METTL15: variants seen among roughly 807,000 people sequenced by gnomAD.
The protein encoded by METTL15 is methyltransferase 15, mitochondrial 12S rRNA N4-cytidine.
METTL15 carries 34 observed loss-of-function variants against 38.3 expected under a neutral mutation model. The ratio of observed to expected loss-of-function variants is 0.89; its 90% CI spans 0.68 to 1.18. METTL15 has a LOEUF of 1.18. Among genes scored for constraint, METTL15 ranks in the 50% most tolerant of loss-of-function variants. The probability of loss-of-function intolerance (pLI) is 0.00; values close to 1 mark genes in which losing one functional copy is unlikely to be tolerated. For missense variants in METTL15, 438 were observed against 498.4 expected, an observed-to-expected ratio of 0.88 and a Z score of 1.15; for synonymous variants, 162 against 170.9, an observed-to-expected ratio of 0.95 and a Z score of 0.41.
chr11:28,480,732 C>T (rs1851388149), intron 6 of METTL15, among the ~76,000 whole-genome samples: 1 of 152,130 alleles, frequency 6.6e-6, no homozygotes. Flanking sequence ...TTTAGAATTC[C>T]AATTTGTAAG....
chr11:28,422,847 G>A (rs1239496375), intron 5 of METTL15, among the ~76,000 whole-genome samples: 1 of 151,960 alleles, frequency 6.6e-6, no homozygotes, highest in Non-Finnish European at 1.5e-5. Context: ...GGACAAATGG[G>A]ATCATATCAA....
chr11:28,323,980 A>AT (rs1450511270), intron 6 of METTL15, among the ~76,000 whole-genome samples: 1 of 152,168 alleles, frequency 6.6e-6, no homozygotes, highest in African/African-American at 2.4e-5. Context: ...AATGTCTCAA[A>AT]ATTGTATTGA....
Position 28,180,656 on chromosome 11 carries a change from A to G in METTL15, c.271-30406A>G, listed in dbSNP as rs554249107. Among the ~76,000 whole-genome samples, 177 of 151,962 alleles carry G rather than the reference A, an allele frequency of 1.2e-3. 2 individuals carry two copies. The highest frequency in any genetic ancestry group is 2.1e-3 in the Non-Finnish European group (140 of 67,862). On this transcript the variant is annotated intron_variant, in intron 3 of 6. Transcript: ENST00000407364. The stretch of plus-strand genomic sequence containing the variant: ...TACTACTTCCCTCTTAAGAATTAGT[A>G]TGCAATTTCTTAGTAGTCTTGTTTT...
intron 4 of METTL15, among the ~76,000 whole-genome samples, chr11:28,241,737 G>A (rs921751298): frequency 2.0e-5 from 3 of 152,126 alleles, no homozygotes; most frequent in Admixed American, 2.0e-4. Flanking sequence ...AAAAGCCAGA[G>A]CAAGGTAAAG....
At chr11:28,251,693 A>G (rs1186048992) in intron 4 of METTL15, among the ~76,000 whole-genome samples, 1 of 151,948 alleles carries the variant, frequency 6.6e-6, no homozygotes, top group East Asian at 1.9e-4. Flanking sequence ...TTTTTCTTCC[A>G]TTCTACCTTA....
chr11:28,511,966 G>A (rs1240032729), intron 6 of METTL15, among the ~76,000 whole-genome samples: 3 of 152,044 alleles, frequency 2.0e-5, no homozygotes, highest in African/African-American at 7.2e-5. Context: ...TACAATCCCT[G>A]AGCTAGACAC....
At chr11:28,520,410 A>G (rs908852959) in intron 6 of METTL15, among the ~76,000 whole-genome samples, 2 of 152,176 alleles carry the variant, frequency 1.3e-5, no homozygotes, top group Non-Finnish European at 2.9e-5. Flanking sequence ...TGGGTAATCA[A>G]GAAGACCTGG....
At chr11:28,321,012 G>C (rs190969667) in intron 6 of METTL15, among the ~76,000 whole-genome samples, 37 of 152,250 alleles carry the variant, frequency 2.4e-4, no homozygotes, top group African/African-American at 8.4e-4. Context: ...GCATTAGTCA[G>C]ATGCTTCAGG....
At chr11:28,183,643 T>G (rs1851381357) in intron 3 of METTL15, among the ~76,000 whole-genome samples, 1 of 152,162 alleles carries the variant, frequency 6.6e-6, no homozygotes, top group African/African-American at 2.4e-5. Flanking sequence ...TTCGATGTGC[T>G]GCTGGACTTG....
intron 6 of METTL15, among the ~76,000 whole-genome samples, chr11:28,445,031 C>T (rs1315424833): frequency 2.6e-5 from 4 of 152,012 alleles, no homozygotes; most frequent in African/African-American, 9.7e-5. Flanking sequence ...AAGGGGCAAA[C>T]ATGAGAGACA....
chr11:28,356,891 GGAA>G (rs1289664494), intron 4 of METTL15, among the ~76,000 whole-genome samples: 1 of 152,110 alleles, frequency 6.6e-6, no homozygotes, highest in Non-Finnish European at 1.5e-5. Flanking sequence ...TGTGCTCCTG[GGAA>G]GAAGAGGCAT....
rs560900684 is a variant in METTL15, at chr11:28,420,736, TTA to T, written c.*359-3560_*359-3559del. Among the ~76,000 whole-genome samples, 7 of 152,100 alleles carry T rather than the reference TTA, an allele frequency of 4.6e-5. No individual in the cohort carries two copies. The East Asian group carries it at 1.4e-3, about 29-fold the overall frequency. On this transcript the variant is annotated intron_variant and NMD_transcript_variant, in intron 5 of 7. Coordinates refer to the METTL15 transcript ENST00000532947. The stretch of plus-strand genomic sequence containing the variant: ...GCAAAAGCAGTACTAACAGTGAAGT[TTA>T]TAGCTATAAGTGCCTACATCAAAAA...
intron 6 of METTL15, among the ~76,000 whole-genome samples, chr11:28,505,028 C>A (rs1157170216): frequency 6.6e-6 from 1 of 152,144 alleles, no homozygotes; most frequent in Non-Finnish European, 1.5e-5. Context: ...TAGGGCCATT[C>A]CCAGTCTTAG....
intron 6 of METTL15, among the ~76,000 whole-genome samples, chr11:28,328,556 A>G (rs1414818130): frequency 3.3e-5 from 5 of 152,130 alleles, no homozygotes; most frequent in African/African-American, 4.8e-5. Context: ...TTCATTAAGA[A>G]CAAATCTGTA....
intron 6 of METTL15, among the ~76,000 whole-genome samples, chr11:28,322,369 A>G (rs767509145): frequency 2.0e-5 from 3 of 152,166 alleles, no homozygotes; most frequent in Non-Finnish European, 2.9e-5. Flanking sequence ...GATTTGTTCA[A>G]GCAATTTCTA....
intron 6 of METTL15, among the ~76,000 whole-genome samples, chr11:28,323,568 C>A (rs1024246552): frequency 6.6e-6 from 1 of 152,078 alleles, no homozygotes; most frequent in Non-Finnish European, 1.5e-5. Flanking sequence ...AGGACTTAGG[C>A]AGGACCATGC....
chr11:28,344,321 A>G (rs1019157994), intron 3 of METTL15, among the ~76,000 whole-genome samples: 10 of 152,176 alleles, frequency 6.6e-5, no homozygotes, highest in Admixed American at 2.0e-4. Context: ...TGTCTGAATG[A>G]GCCATATCTT....
chr11:28,211,290 G>A (rs1279037242), intron 4 of METTL15, 92 bp downstream of exon 4: 2 of 1,177,322 alleles, frequency 1.7e-6, no homozygotes, highest in Admixed American at 2.8e-5. Context: ...CTTTGCATGG[G>A]CTATATTTTA....
intron 6 of METTL15, among the ~76,000 whole-genome samples, chr11:28,322,665 A>G (rs893504462): frequency 5.9e-5 from 9 of 152,308 alleles, no homozygotes; most frequent in Admixed American, 3.9e-4. Flanking sequence ...GTGACATACA[A>G]GATTCACATA....
Sources: allele counts gnomAD v4.1 joint callset (sites outside exome capture counted in the v4.1 genomes callset), GRCh38; gene constraint gnomAD v4.1.1; transcripts MANE v1.5; gene names NCBI Gene and HGNC (gene_info 2026-07-23, HGNC 2026-07-21).